The following MZT2A variants were observed in gnomAD, a reference collection of about 807,000 sequenced individuals.
The protein encoded by MZT2A is mitotic-spindle organizing protein 2A.
Under a neutral mutation model 12.4 loss-of-function variants are expected in MZT2A, and 8 were observed. The observed-to-expected ratio is 0.64, with a 90% CI of 0.38 to 1.16. The LOEUF is 1.16. Ranked by LOEUF, MZT2A falls within the 50% of genes most tolerant of loss-of-function variation. The probability of loss-of-function intolerance (pLI) is 0.01; values close to 1 mark genes in which losing one functional copy is unlikely to be tolerated. For missense variants in MZT2A, 181 were observed against 223.6 expected (o/e 0.81, Z 1.22); for synonymous variants, 88 against 107.5 (o/e 0.82, Z 1.12).
At chr2:131,473,712 C>T (rs1163785740) in intron 2 of MZT2A, among the ~76,000 whole-genome samples, 1 of 142,884 alleles carries the variant, frequency 7.0e-6, no homozygotes, top group East Asian at 1.9e-4. Context: ...CCAGCCTGGT[C>T]AACATAGTGA....
chr2:131,491,935 C>T lies in MZT2A; in HGVS notation c.260G>A (p.Ser87Asn). 1 of 1,538,050 alleles carries T rather than the reference C, an allele frequency of 6.5e-7. No homozygotes were observed. The highest frequency in any genetic ancestry group is 8.8e-7 in the Non-Finnish European group (1 of 1,139,372). Residue 87 changes from serine to asparagine, a missense_variant, in exon 2 of 3, where the codon AGC becomes AAC. Ser to Asn is a conservative substitution (Grantham distance 46). Coordinates refer to ENST00000309451, the MANE Select transcript of MZT2A (RefSeq NM_001085365.2). ...CACGGCCGCAGGGTCCTGGGGCTCGCTCGCTAGCCTCTGCCCGGCACACAT... is the reference window on the plus strand; with the variant it reads ...CACGGCCGCAGGGTCCTGGGGCTCGTTCGCTAGCCTCTGCCCGGCACACAT... ...KSMCAGQRLA[S>N]EPQDPAAVSL...
chr2:131,485,623 T>G (rs984754420), intron 2 of MZT2A, among the ~76,000 whole-genome samples: 2 of 152,166 alleles, frequency 1.3e-5, no homozygotes, highest in Admixed American at 1.3e-4. Context: ...TTGGAAAGGT[T>G]TGGGGCAGTC....
In MZT2A at chr2:131,491,251, G is replaced by A. The variant is rs1234185348; in HGVS notation, c.319+625C>T. 12 of 369,620 alleles carry A rather than the reference G, an allele frequency of 3.2e-5. No individual in the cohort carries two copies. The East Asian group carries it at 5.3e-4, about 16-fold the overall frequency. 22.9% of individuals were successfully genotyped at this position (369,620 alleles called of 1,614,324 possible). A position where few individuals can be genotyped will look rare whatever the true frequency, so the allele number is the denominator to read the frequency against. ...CAGCCCAGTCACCACACTGGAGAGG[G>A]AGGAGGCCCTTCAGACCCCGCAGGC... On this transcript the variant is annotated intron_variant, in intron 2 of 2. Transcript: ENST00000309451.
chr2:131,493,117 C>A, upstream of MZT2A: 1 of 1,486,120 alleles, frequency 6.7e-7, no homozygotes, highest in South Asian at 1.3e-5. Flanking sequence ...ACCTCTGAAG[C>A]GGGCGACGCT....
chr2:131,487,831 G>C (rs1679117607), intron 2 of MZT2A, among the ~76,000 whole-genome samples: 1 of 152,178 alleles, frequency 6.6e-6, no homozygotes, highest in South Asian at 2.1e-4. Flanking sequence ...CAGTGGTGCA[G>C]TCACAGCTCA....
chr2:131,476,459 C>T (rs1678670458), intron 2 of MZT2A, among the ~76,000 whole-genome samples: 1 of 152,180 alleles, frequency 6.6e-6, no homozygotes, highest in Non-Finnish European at 1.5e-5. Flanking sequence ...CCCCAGAGAG[C>T]AAATAGTGGC....
downstream of MZT2A, chr2:131,479,469 G>A (rs1274757057): frequency 2.5e-6 from 4 of 1,610,674 alleles, no homozygotes; most frequent in African/African-American, 1.3e-5. Context: ...AAGAAGAGAA[G>A]GTTTCATGTG....
chr2:131,480,821 A>T, downstream of MZT2A: 1 of 1,561,120 alleles, frequency 6.4e-7, no homozygotes. Flanking sequence ...CTGAAGGCCC[A>T]CATCCTTTGG....
intron 3 of MZT2A, among the ~76,000 whole-genome samples, chr2:131,471,338 G>A (rs1383234502): frequency 4.3e-5 from 6 of 139,478 alleles, no homozygotes; most frequent in Non-Finnish European, 8.9e-5. Context: ...CAAACTACAG[G>A]TCCAAGGACT....
downstream of MZT2A, chr2:131,480,714 A>G: frequency 6.2e-7 from 1 of 1,612,046 alleles, no homozygotes. Flanking sequence ...CAAGCGCACC[A>G]TCCAGTTTGT....
intron 2 of MZT2A, among the ~76,000 whole-genome samples, chr2:131,486,122 G>T (rs143586979): frequency 0.013 from 1,986 of 150,914 alleles, 29 homozygotes; most frequent in South Asian, 0.046. Context: ...CCTGAGCCAA[G>T]GAGGAGCGCA....
At chr2:131,483,582 G>C (rs927032696), downstream of MZT2A, among the ~76,000 whole-genome samples, 16 of 143,050 alleles carry the variant, frequency 1.1e-4, no homozygotes, top group South Asian at 2.1e-4. Context: ...CGGGTGTGGT[G>C]GTGGGCACTG....
chr2:131,493,329 C>T (rs1429875136), upstream of MZT2A, among the ~76,000 whole-genome samples: 1 of 152,198 alleles, frequency 6.6e-6, no homozygotes, highest in Non-Finnish European at 1.5e-5. Context: ...TGGGCCATGC[C>T]TTTGTGCCAC....
intron 2 of MZT2A, among the ~76,000 whole-genome samples, chr2:131,487,683 G>C (rs1418514362): frequency 6.6e-6 from 1 of 152,322 alleles, no homozygotes; most frequent in African/African-American, 2.4e-5. Context: ...CTCAAACTCC[G>C]AGCTTCAAGT....
chr2:131,492,789 G>T, upstream of MZT2A: 4 of 1,344,902 alleles, frequency 3.0e-6, no homozygotes, highest in Non-Finnish European at 3.9e-6. Context: ...TTCGGGGGGG[G>T]TGGGGGGCAC....
upstream of MZT2A, chr2:131,492,481 TGGCGGGAGC>T (rs201428043): frequency 6.2e-5 from 63 of 1,024,370 alleles, no homozygotes; most frequent in Admixed American, 1.3e-4. Context: ...CGGGCTGCCC[TGGCGGGAGC>T]GGCGGGAGCG....
chr2:131,474,639 A>G (rs536123653), intron 2 of MZT2A, among the ~76,000 whole-genome samples: 35 of 147,218 alleles, frequency 2.4e-4, no homozygotes, highest in Non-Finnish European at 5.1e-4. Flanking sequence ...TGAACTCCTG[A>G]CCTCAAGTGA....
intron 2 of MZT2A, among the ~76,000 whole-genome samples, chr2:131,486,917 T>A (rs1229075630): frequency 1.3e-5 from 2 of 152,128 alleles, no homozygotes; most frequent in Admixed American, 6.5e-5. Flanking sequence ...TCGGGGCTAG[T>A]GGGGAGCCCT....
chr2:131,472,471 A>T (rs1678472143), intron 2 of MZT2A, among the ~76,000 whole-genome samples: 1 of 152,242 alleles, frequency 6.6e-6, no homozygotes, highest in Non-Finnish European at 1.5e-5. Context: ...AATTTTCTAC[A>T]CTGTCTACTG....
Sources: allele counts gnomAD v4.1 joint callset (sites outside exome capture counted in the v4.1 genomes callset), GRCh38; gene constraint gnomAD v4.1.1; transcripts MANE v1.5; gene names NCBI Gene and HGNC (gene_info 2026-07-23, HGNC 2026-07-21).